Variants in TSHZ2 observed in about 807,000 individuals in gnomAD.
TSHZ2 encodes the protein teashirt zinc finger homeobox 2.
TSHZ2 carries 21 observed loss-of-function variants against 74.4 expected under a neutral mutation model. The observed-to-expected ratio is 0.28, with a 90% CI of 0.20 to 0.41. The LOEUF is 0.41. TSHZ2 is among the 10% of genes least tolerant of loss of function. The pLI is 1.00. For synonymous variants in TSHZ2, 540 were observed against 515.3 expected (o/e 1.05, Z -0.65); for missense variants, 1,244 against 1,293.5 (o/e 0.96, Z 0.59).
intron 2 of TSHZ2, among the ~76,000 whole-genome samples, chr20:53,282,632 G>T (rs1600787785): frequency 6.6e-6 from 1 of 152,194 alleles, no homozygotes; most frequent in Non-Finnish European, 1.5e-5. Flanking sequence ...CATACTGAGG[G>T]TGACCATGAC....
chr20:53,022,196 T>C (rs1983268797), intron 1 of TSHZ2, among the ~76,000 whole-genome samples: 1 of 152,186 alleles, frequency 6.6e-6, no homozygotes, highest in Non-Finnish European at 1.5e-5. Flanking sequence ...AGCAGATACA[T>C]TCATCAGGAA....
chr20:53,007,180 G>A (rs920227268), intron 1 of TSHZ2, among the ~76,000 whole-genome samples: 2 of 152,152 alleles, frequency 1.3e-5, no homozygotes, highest in African/African-American at 4.8e-5. Flanking sequence ...GGCTTAGCAG[G>A]AGTTGACCAG....
At chr20:53,439,005 ATTAT>A in intron 2 of TSHZ2, among the ~76,000 whole-genome samples, 1 of 152,318 alleles carries the variant, frequency 6.6e-6, no homozygotes, top group South Asian at 2.1e-4. Context: ...GGAAACAACA[ATTAT>A]TTATGGCAGT....
At chr20:53,048,816 A>T (rs557404236) in intron 1 of TSHZ2, among the ~76,000 whole-genome samples, 22 of 152,062 alleles carry the variant, frequency 1.4e-4, no homozygotes, top group Non-Finnish European at 3.1e-4. Flanking sequence ...CTCACTACAC[A>T]CCTCCAGCCA....
chr20:53,240,805 T>C (rs903672282), intron 1 of TSHZ2, among the ~76,000 whole-genome samples: 3 of 151,896 alleles, frequency 2.0e-5, no homozygotes, highest in African/African-American at 4.8e-5. Flanking sequence ...CTTCTATAAG[T>C]GTGGTCTGAG....
chr20:53,075,897 G>A (rs959334808), intron 1 of TSHZ2, among the ~76,000 whole-genome samples: 4 of 152,170 alleles, frequency 2.6e-5, no homozygotes, highest in African/African-American at 9.7e-5. Context: ...TGTGTTTTAA[G>A]TGGCACATTC....
At chr20:53,184,277 C>T (rs1234615489) in intron 1 of TSHZ2, among the ~76,000 whole-genome samples, 4 of 152,114 alleles carry the variant, frequency 2.6e-5, no homozygotes, top group African/African-American at 9.7e-5. Flanking sequence ...CAAATATTTG[C>T]TAAGCAGCTA....
At chr20:53,052,294 G>A (rs570292887) in intron 1 of TSHZ2, among the ~76,000 whole-genome samples, 8 of 152,262 alleles carry the variant, frequency 5.3e-5, no homozygotes, top group Admixed American at 2.6e-4. Flanking sequence ...CCTGAGCTGC[G>A]GGTCGCTACT....
intron 1 of TSHZ2, among the ~76,000 whole-genome samples, chr20:53,069,883 T>C (rs557187580): frequency 1.3e-5 from 2 of 152,222 alleles, no homozygotes; most frequent in Admixed American, 6.5e-5. Context: ...TTAATGAAAA[T>C]CAGCTTATTC....
chr20:53,296,140 AT>A (rs34725383), intron 2 of TSHZ2, among the ~76,000 whole-genome samples: 4 of 151,508 alleles, frequency 2.6e-5, no homozygotes, highest in African/African-American at 7.3e-5. Context: ...CATCTCCAAA[AT>A]TTTTTTTAAT....
chr20:53,353,339 T>G (rs1366405459), intron 2 of TSHZ2, among the ~76,000 whole-genome samples: 8 of 152,238 alleles, frequency 5.3e-5, no homozygotes, highest in Admixed American at 1.3e-4. Context: ...CATCTGCAAC[T>G]GCCCATTCTC....
chr20:53,004,271 C>T (rs1982556069), intron 1 of TSHZ2, among the ~76,000 whole-genome samples: 2 of 151,882 alleles, frequency 1.3e-5, no homozygotes, highest in Admixed American at 6.6e-5. Context: ...GGAAAACACA[C>T]ATTGCTCAGT....
chr20:53,072,172 A>G (rs2123200588), intron 1 of TSHZ2, among the ~76,000 whole-genome samples: 1 of 152,372 alleles, frequency 6.6e-6, no homozygotes, highest in South Asian at 2.1e-4. Context: ...AAATCCAAAC[A>G]GAAAAGCATC....
chr20:53,378,993 A>T (rs1240487843), intron 2 of TSHZ2, among the ~76,000 whole-genome samples: 1 of 152,170 alleles, frequency 6.6e-6, no homozygotes, highest in Non-Finnish European at 1.5e-5. Flanking sequence ...TGGCCTAACC[A>T]CTTGGTTAGC....
At chr20:53,030,460 T>C (rs943446568) in intron 1 of TSHZ2, among the ~76,000 whole-genome samples, 1 of 152,110 alleles carries the variant, frequency 6.6e-6, no homozygotes, top group African/African-American at 2.4e-5. Context: ...ATCAAGCACA[T>C]CATGGTCAGC....
At chr20:52,990,019 T>A (rs953667605) in intron 1 of TSHZ2, among the ~76,000 whole-genome samples, 1 of 152,034 alleles carries the variant, frequency 6.6e-6, no homozygotes, top group Non-Finnish European at 1.5e-5. Context: ...ATAAGAATGT[T>A]CATTTGTATT....
At chr20:53,277,588 T>C (rs976755050) in intron 2 of TSHZ2, among the ~76,000 whole-genome samples, 1 of 152,208 alleles carries the variant, frequency 6.6e-6, no homozygotes, top group East Asian at 1.9e-4. Flanking sequence ...GCTCAGGTGT[T>C]CTATGTGTTA....
intron 1 of TSHZ2, among the ~76,000 whole-genome samples, chr20:53,024,689 C>T (rs982104183): frequency 6.6e-6 from 1 of 152,076 alleles, no homozygotes; most frequent in African/African-American, 2.4e-5. Context: ...ATGTTCCCCC[C>T]ACTGTGTCCA....
At chr20:53,393,566 T>C (rs1982338063) in intron 2 of TSHZ2, among the ~76,000 whole-genome samples, 1 of 152,160 alleles carries the variant, frequency 6.6e-6, no homozygotes, top group Non-Finnish European at 1.5e-5. Context: ...TACCTGTTAA[T>C]ATCATTATTC....
Sources: allele counts gnomAD v4.1 joint callset (sites outside exome capture counted in the v4.1 genomes callset), GRCh38; gene constraint gnomAD v4.1.1; transcripts MANE v1.5; gene names NCBI Gene and HGNC (gene_info 2026-07-23, HGNC 2026-07-21).